The following RORA variants were observed in gnomAD, a reference collection of about 807,000 sequenced individuals.
RORA encodes RAR related orphan receptor A.
Under a neutral mutation model 69.5 loss-of-function variants are expected in RORA, and 7 were observed. The ratio of observed to expected loss-of-function variants is 0.10; its 90% CI spans 0.06 to 0.19. RORA has a LOEUF of 0.19. RORA is among the 10% of genes least tolerant of loss of function. The probability of loss-of-function intolerance (pLI) is 1.00; values close to 1 mark genes in which losing one functional copy is unlikely to be tolerated. For missense variants in RORA, 457 were observed against 663.0 expected (o/e 0.69, Z 3.41); for synonymous variants, 261 against 240.8 (o/e 1.08, Z -0.78).
chr15:60,906,756 T>C (rs1344547753), intron 1 of RORA, among the ~76,000 whole-genome samples: 1 of 152,154 alleles, frequency 6.6e-6, no homozygotes, highest in Non-Finnish European at 1.5e-5. Flanking sequence ...GCCACGGTGG[T>C]TAATAATAAC....
At chr15:61,047,176 T>C (rs937124214) in intron 1 of RORA, among the ~76,000 whole-genome samples, 5 of 152,228 alleles carry the variant, frequency 3.3e-5, no homozygotes, top group Admixed American at 2.6e-4. Context: ...TTTGATGCCA[T>C]GGATGAGTGG....
chr15:60,563,899 A>C (rs985779836), intron 2 of RORA, among the ~76,000 whole-genome samples: 29 of 152,176 alleles, frequency 1.9e-4, no homozygotes, highest in Non-Finnish European at 7.3e-5. Context: ...TCCAGCAGAC[A>C]TGGCATTCAG....
chr15:60,853,118 C>A (rs1273607507), intron 1 of RORA, among the ~76,000 whole-genome samples: 1 of 152,134 alleles, frequency 6.6e-6, no homozygotes, highest in Non-Finnish European at 1.5e-5. Flanking sequence ...AGGGGGAGAA[C>A]CAGGCAGATC....
chr15:60,896,766 G>T (rs551241901), intron 1 of RORA, among the ~76,000 whole-genome samples: 58 of 143,132 alleles, frequency 4.1e-4, no homozygotes, highest in Non-Finnish European at 7.7e-4. Context: ...GCATAGCCAA[G>T]GGAATTTAGG....
chr15:60,975,906 G>A (rs72752797), intron 1 of RORA, among the ~76,000 whole-genome samples: 1 of 152,178 alleles, frequency 6.6e-6, no homozygotes, highest in African/African-American at 2.4e-5. Context: ...TCTCAGCTAA[G>A]AGTTGGCATT....
At chr15:60,939,002 T>C (rs1440439381) in intron 1 of RORA, among the ~76,000 whole-genome samples, 1 of 152,234 alleles carries the variant, frequency 6.6e-6, no homozygotes, top group African/African-American at 2.4e-5. Flanking sequence ...TCACCAGTGA[T>C]GGCTCGATCA....
chr15:60,672,727 C>G (rs2070493786), intron 2 of RORA, among the ~76,000 whole-genome samples: 1 of 152,180 alleles, frequency 6.6e-6, no homozygotes, highest in African/African-American at 2.4e-5. Context: ...TACAAAGCTC[C>G]TAAAGCTGAT....
In RORA at chr15:60,552,192, T is replaced by TA. The variant is rs751876258; in HGVS notation, c.197-20342dup. ...TGATAGTGGTGTCAAACAGGAAAAT[T>TA]ACACTGAAATTACACCATGTCTTTT... On this transcript the variant is annotated intron_variant, in intron 2 of 10. Transcript: ENST00000335670. Among the ~76,000 whole-genome samples the TA allele has an allele frequency of 3.3e-5, 5 of 152,306 alleles. No homozygotes were observed. The East Asian group carries it at 9.7e-4, about 29-fold the overall frequency.
intron 1 of RORA, among the ~76,000 whole-genome samples, chr15:60,878,411 C>T (rs2073643616): frequency 1.3e-5 from 2 of 151,408 alleles, no homozygotes; most frequent in African/African-American, 4.9e-5. Flanking sequence ...TTTCTCCTCA[C>T]CAGCCTCACC....
At chr15:60,567,418 T>TTA (rs1567093063) in intron 2 of RORA, among the ~76,000 whole-genome samples, 4 of 148,856 alleles carry the variant, frequency 2.7e-5, no homozygotes, top group African/African-American at 9.8e-5. Flanking sequence ...TTATTATTAT[T>TTA]TTTTTTTTTC....
chr15:60,563,779 T>A (rs1157760934), intron 2 of RORA, among the ~76,000 whole-genome samples: 4 of 151,928 alleles, frequency 2.6e-5, no homozygotes, highest in Non-Finnish European at 5.9e-5. Flanking sequence ...AGAGGACACA[T>A]CTTCTAGTTC....
chr15:61,050,856 C>T (rs934456587), intron 1 of RORA, among the ~76,000 whole-genome samples: 3 of 152,198 alleles, frequency 2.0e-5, no homozygotes, highest in Admixed American at 1.3e-4. Context: ...GAAACCAAGT[C>T]TTAGGTTGAC....
chr15:60,506,848 G>T (rs956653873), intron 5 of RORA, among the ~76,000 whole-genome samples: 3 of 152,054 alleles, frequency 2.0e-5, no homozygotes, highest in African/African-American at 4.8e-5. Flanking sequence ...TTAGCTGGGC[G>T]TGGTGGCGGG....
chr15:61,016,535 C>T (rs1166109256), intron 1 of RORA, among the ~76,000 whole-genome samples: 2 of 152,090 alleles, frequency 1.3e-5, no homozygotes, highest in African/African-American at 4.8e-5. Flanking sequence ...TAACAATTCC[C>T]AGCTGTGTTT....
At chr15:60,947,452 G>T (rs1379862189) in intron 1 of RORA, among the ~76,000 whole-genome samples, 5 of 151,906 alleles carry the variant, frequency 3.3e-5, no homozygotes, top group African/African-American at 1.2e-4. Context: ...TGGATTAAGG[G>T]CGGTGCAAGA....
chr15:61,216,519 G>T (rs540399530), intron 1 of RORA, among the ~76,000 whole-genome samples: 2 of 151,812 alleles, frequency 1.3e-5, no homozygotes, highest in Admixed American at 6.6e-5. Context: ...GCAGAAAGGA[G>T]AAAGTGAGTA....
chr15:61,215,071 T>C (rs1367687106), intron 1 of RORA, among the ~76,000 whole-genome samples: 2 of 141,844 alleles, frequency 1.4e-5, no homozygotes, highest in Non-Finnish European at 3.0e-5. Flanking sequence ...TTTAGGTAGA[T>C]ATGGGGTTTC....
chr15:60,854,771 A>G (rs2073362846), intron 1 of RORA, among the ~76,000 whole-genome samples: 1 of 152,220 alleles, frequency 6.6e-6, no homozygotes, highest in African/African-American at 2.4e-5. Flanking sequence ...GCATTTTTCA[A>G]TTACTTAGGT....
At chr15:60,835,350 C>T (rs1490703508) in intron 1 of RORA, among the ~76,000 whole-genome samples, 1 of 152,222 alleles carries the variant, frequency 6.6e-6, no homozygotes, top group African/African-American at 2.4e-5. Context: ...CTCTGGGTTG[C>T]TGGTGTTCTA....
Sources: allele counts gnomAD v4.1 joint callset (sites outside exome capture counted in the v4.1 genomes callset), GRCh38; gene constraint gnomAD v4.1.1; transcripts MANE v1.5; gene names NCBI Gene and HGNC (gene_info 2026-07-23, HGNC 2026-07-21).